The following FAM98B variants were observed in gnomAD, a reference collection of about 807,000 sequenced individuals.
FAM98B encodes tRNA-splicing ligase complex subunit FAM98B.
FAM98B carries 32 observed loss-of-function variants against 43.9 expected under a neutral mutation model. The observed-to-expected ratio is 0.73, with a 90% CI of 0.55 to 0.98. FAM98B has a LOEUF of 0.98. Among genes scored for constraint, FAM98B ranks in the 50% least tolerant of loss-of-function variants. The pLI is 0.00. For synonymous variants in FAM98B, 190 were observed against 174.0 expected (o/e 1.09, Z -0.72); for missense variants, 514 against 522.9 (o/e 0.98, Z 0.17).
rs934749635 is a variant in FAM98B at position 38,459,711 on chromosome 15, G to C, written c.72-4321G>C. ...CCTGGGCTGCGAAGCGAGGTGGCCT[G>C]TACCAAGGGTGGGCGCCCGGAGATG... On this transcript the variant is annotated intron_variant, in intron 1 of 7. Transcript: ENST00000397609. Among the ~76,000 whole-genome samples the C allele has an allele frequency of 5.9e-5, 9 of 152,310 alleles. No individual in the cohort carries two copies. In the South Asian group the frequency reaches 6.2e-4, roughly 11 times the overall value.
intron 2 of FAM98B, among the ~76,000 whole-genome samples, chr15:38,464,441 T>G (rs1889997415): frequency 6.6e-6 from 1 of 152,174 alleles, no homozygotes; most frequent in African/African-American, 2.4e-5. Context: ...TGTCTAAACC[T>G]TAGTATTGTT....
At chr15:38,482,951 TATC>T (rs1890304551) in intron 7 of FAM98B, 1 of 152,226 alleles carries the variant, frequency 6.6e-6, no homozygotes, top group Non-Finnish European at 1.5e-5. Context: ...ATGGTACTAG[TATC>T]ATCACTGAAA....
chr15:38,481,529 G>A, intron 7 of FAM98B, 70 bp downstream of exon 7: 2 of 1,613,884 alleles, frequency 1.2e-6, no homozygotes, highest in East Asian at 2.2e-5. Flanking sequence ...ACAGATTTTA[G>A]TCTATTTTTC....
At chr15:38,454,256 T>C (rs1358487234) in intron 1 of FAM98B, 24 bp downstream of exon 1, 1 of 1,588,990 alleles carries the variant, frequency 6.3e-7, no homozygotes, top group Admixed American at 1.8e-5. Flanking sequence ...GAGACGCCTT[T>C]TCCCTGAAAA....
intron 3 of FAM98B, among the ~76,000 whole-genome samples, chr15:38,468,207 A>G (rs1388336926): frequency 1.3e-5 from 2 of 152,180 alleles, no homozygotes; most frequent in East Asian, 3.9e-4. Context: ...TAAATTTTTG[A>G]AAAACTGGCA....
rs1402161488 is a variant in FAM98B, at chr15:38,481,287, T to G, written c.730-5T>G. The G allele has an allele frequency of 1.9e-6, 3 of 1,606,966 alleles. No individual in the cohort carries two copies. Among genetic ancestry groups the G allele is most frequent in the Non-Finnish European group, 2.6e-6 (3 of 1,174,088 alleles). On this transcript the variant is annotated splice_polypyrimidine_tract_variant and splice_region_variant and intron_variant, in intron 6 of 7. Coordinates refer to ENST00000397609, the MANE Select transcript of FAM98B (RefSeq NM_173611.4). ...TTCCTTTTTTCCTTAACTCTTGTCA[T>G]TTAGGTAAAAACAGATGATATAGCA... is the stretch of plus-strand genomic sequence containing the variant.
chr15:38,471,674 C>G (rs1004044005), intron 4 of FAM98B, among the ~76,000 whole-genome samples: 3 of 152,040 alleles, frequency 2.0e-5, no homozygotes, highest in South Asian at 4.1e-4. Context: ...CAGTTTTTAA[C>G]CAAAAGTAAA....
chr15:38,466,850 G>A (rs1264729336), intron 3 of FAM98B, among the ~76,000 whole-genome samples: 1 of 152,086 alleles, frequency 6.6e-6, no homozygotes, highest in African/African-American at 2.4e-5. Context: ...TTGTGTCTCT[G>A]TTTTCTGTGT....
At chr15:38,479,302 T>C (rs1245937716) in intron 6 of FAM98B, among the ~76,000 whole-genome samples, 1 of 152,160 alleles carries the variant, frequency 6.6e-6, no homozygotes, top group Non-Finnish European at 1.5e-5. Flanking sequence ...AATTCAGTGG[T>C]TTTTAGTCTG....
At chr15:38,462,461 G>T (rs1200632899) in intron 1 of FAM98B, among the ~76,000 whole-genome samples, 1 of 152,116 alleles carries the variant, frequency 6.6e-6, no homozygotes, top group Non-Finnish European at 1.5e-5. Context: ...CAAAACAAAT[G>T]TCTATTGATA....
At chr15:38,466,708 C>T (rs1263703982) in intron 3 of FAM98B, among the ~76,000 whole-genome samples, 1 of 152,076 alleles carries the variant, frequency 6.6e-6, no homozygotes. Flanking sequence ...CGTCATAGAA[C>T]TGTATACTTA....
chr15:38,459,346 G>C (rs1317750352), intron 1 of FAM98B: 1 of 472,450 alleles, frequency 2.1e-6, no homozygotes, highest in Non-Finnish European at 4.2e-6. Flanking sequence ...TAGCAGTGGT[G>C]TTGGCTTCCT....
At chr15:38,477,680 T>C (rs562626007) in intron 6 of FAM98B, among the ~76,000 whole-genome samples, 89 of 152,222 alleles carry the variant, frequency 5.8e-4, no homozygotes, top group Non-Finnish European at 1.1e-3. Flanking sequence ...AGGATGAATA[T>C]CTCAGTACTC....
intron 1 of FAM98B, among the ~76,000 whole-genome samples, chr15:38,462,089 T>A (rs1889958463): frequency 6.6e-6 from 1 of 152,168 alleles, no homozygotes; most frequent in Non-Finnish European, 1.5e-5. Context: ...TAAAAATGGT[T>A]GAATACTATG....
At chr15:38,459,234 G>A (rs970377248) in intron 1 of FAM98B, 4 of 469,094 alleles carry the variant, frequency 8.5e-6, no homozygotes, top group Non-Finnish European at 1.7e-5. Flanking sequence ...CCAGGTCAGT[G>A]ACCACACAGA....
intron 1 of FAM98B, among the ~76,000 whole-genome samples, chr15:38,455,387 G>A (rs373047499): frequency 2.0e-5 from 3 of 152,172 alleles, no homozygotes; most frequent in East Asian, 1.9e-4. Context: ...TATGAAGCTT[G>A]AACCAATCCC....
At chr15:38,455,002 C>T (rs1889826529) in intron 1 of FAM98B, among the ~76,000 whole-genome samples, 1 of 151,966 alleles carries the variant, frequency 6.6e-6, no homozygotes, top group Admixed American at 6.5e-5. Flanking sequence ...TGTTTTTTTC[C>T]ACACAGCTCT....
rs74009808 is a variant in FAM98B at position 38,459,277 on chromosome 15, C to A, written c.72-4755C>A. 1,675 of 492,358 alleles carry A rather than the reference C, an allele frequency of 3.4e-3. 26 individuals are homozygous for A. The highest frequency in any genetic ancestry group is 0.03 in the African/African-American group (1,524 of 51,152). 30.5% of individuals were successfully genotyped at this position (492,358 alleles called of 1,614,324 possible). On this transcript the variant is annotated intron_variant, in intron 1 of 7. Transcript: ENST00000397609. The stretch of plus-strand genomic sequence containing the variant: ...TTGATCTTCCTCTGTCACCTTGGGG[C>A]AGACACGTCCCTGGGATCCGATAAA...
intron 1 of FAM98B, chr15:38,459,468 G>A: frequency 2.9e-6 from 1 of 350,748 alleles, no homozygotes; most frequent in South Asian, 2.3e-5. Flanking sequence ...GGAGGGCTTG[G>A]AGACCAGGCC....
Sources: allele counts gnomAD v4.1 joint callset (sites outside exome capture counted in the v4.1 genomes callset), GRCh38; gene constraint gnomAD v4.1.1; transcripts MANE v1.5; gene names NCBI Gene and HGNC (gene_info 2026-07-23, HGNC 2026-07-21).